The following ATP8A2 variants were observed in gnomAD, a reference collection of about 807,000 sequenced individuals.
The protein encoded by ATP8A2 is ATPase phospholipid transporting 8A2.
A neutral mutation model predicts 165.6 loss-of-function variants in ATP8A2; 100 were observed. The observed-to-expected ratio is 0.60, with a 90% CI of 0.51 to 0.71. The LOEUF is 0.71. Among genes scored for constraint, ATP8A2 ranks in the 30% least tolerant of loss-of-function variants. The probability of loss-of-function intolerance (pLI) is 0.00; values close to 1 mark genes in which losing one functional copy is unlikely to be tolerated. For synonymous variants in ATP8A2, 543 were observed against 548.8 expected, an observed-to-expected ratio of 0.99 and a Z score of 0.15; for missense variants, 1,227 against 1,479.5, an observed-to-expected ratio of 0.83 and a Z score of 2.80.
chr13:25,709,520 AG>A (rs2043118164), intron 25 of ATP8A2, among the ~76,000 whole-genome samples: 1 of 149,802 alleles, frequency 6.7e-6, no homozygotes, highest in African/African-American at 2.6e-5. Flanking sequence ...ATAGATACTG[AG>A]TTTTTTTTCT....
intron 24 of ATP8A2, among the ~76,000 whole-genome samples, chr13:25,691,220 G>A (rs896261330): frequency 8.5e-5 from 13 of 152,184 alleles, no homozygotes; most frequent in African/African-American, 3.1e-4. Flanking sequence ...AGCATGGAAG[G>A]AGGGAACTTT....
At chr13:26,008,986 C>T (rs535714307) in intron 35 of ATP8A2, among the ~76,000 whole-genome samples, 63 of 152,046 alleles carry the variant, frequency 4.1e-4, no homozygotes, top group African/African-American at 1.4e-3. Flanking sequence ...ACCATTTATG[C>T]GTATTTTTAA....
At chr13:25,664,620 G>T (rs2042113219) in intron 24 of ATP8A2, among the ~76,000 whole-genome samples, 1 of 152,212 alleles carries the variant, frequency 6.6e-6, no homozygotes, top group Non-Finnish European at 1.5e-5. Context: ...GATGAAGTCT[G>T]ATGGGTTTGG....
chr13:25,561,939 T>C (rs1040742420), intron 15 of ATP8A2, among the ~76,000 whole-genome samples: 2 of 152,236 alleles, frequency 1.3e-5, no homozygotes, highest in African/African-American at 4.8e-5. Flanking sequence ...TGTTGTAGAA[T>C]GTGCCAGAAT....
rs757104587 is a variant in ATP8A2 at position 25,705,276 on chromosome 13, AAG to A, written c.2384+5934_2384+5935del. 1.3e-3 allele frequency: 401 copies of A among 313,674 alleles called. 1 individual carries two copies. The highest frequency in any genetic ancestry group is 2.2e-3 in the Non-Finnish European group (354 of 161,494). 19.4% of individuals were successfully genotyped at this position (313,674 alleles called of 1,614,324 possible). On this transcript the variant is annotated intron_variant, in intron 25 of 36. Coordinates refer to ENST00000381655, the MANE Select transcript of ATP8A2 (RefSeq NM_016529.6). ...TTTAAAGTGACTGTCTCGTCAGGAAAAGAGTCATGAAAGAATCATCAGTGACC... is the reference window on the plus strand; with the variant it reads ...TTTAAAGTGACTGTCTCGTCAGGAAAAGTCATGAAAGAATCATCAGTGACC...
chr13:25,459,185 G>A (rs1432685013), intron 1 of ATP8A2, among the ~76,000 whole-genome samples: 3 of 152,188 alleles, frequency 2.0e-5, no homozygotes, highest in Non-Finnish European at 2.9e-5. Flanking sequence ...TGATTTGGGA[G>A]CTAAAGCATC....
intron 25 of ATP8A2, among the ~76,000 whole-genome samples, chr13:25,717,418 T>TAAAAAAAAAA (rs55732375): frequency 9.5e-5 from 9 of 95,006 alleles, no homozygotes; most frequent in East Asian, 3.0e-4. Context: ...CTGAAAAAAC[T>TAAAAAAAAAA]AAAAAAAAAA....
At chr13:25,444,684 C>T (rs1439440462) in intron 1 of ATP8A2, among the ~76,000 whole-genome samples, 2 of 150,364 alleles carry the variant, frequency 1.3e-5, no homozygotes, top group Admixed American at 6.6e-5. Context: ...CTCACTGTGT[C>T]GCCCAGGCTG....
intron 33 of ATP8A2, among the ~76,000 whole-genome samples, chr13:25,882,228 A>T (rs1019772028): frequency 1.5e-4 from 23 of 152,200 alleles, no homozygotes; most frequent in African/African-American, 5.3e-4. Flanking sequence ...TCATTATCGT[A>T]TTAGGAAAGT....
At chr13:25,568,595 G>A (rs1436489957) in intron 16 of ATP8A2, among the ~76,000 whole-genome samples, 1 of 152,130 alleles carries the variant, frequency 6.6e-6, no homozygotes, top group Non-Finnish European at 1.5e-5. Flanking sequence ...AGAGGTTACT[G>A]GGGGATAGAG....
At chr13:25,394,497 C>T (rs1441672286) in intron 1 of ATP8A2, among the ~76,000 whole-genome samples, 1 of 152,150 alleles carries the variant, frequency 6.6e-6, no homozygotes, top group Non-Finnish European at 1.5e-5. Flanking sequence ...CCAGGCTGTG[C>T]CCCCGAGCCT....
intron 33 of ATP8A2, among the ~76,000 whole-genome samples, chr13:25,868,535 T>A (rs1952583338): frequency 6.7e-6 from 1 of 149,590 alleles, no homozygotes; most frequent in African/African-American, 2.4e-5. Flanking sequence ...TGAAGTCCAA[T>A]TCACATTCTG....
Position 25,574,499 on chromosome 13 carries a change from A to G in ATP8A2, c.1663-309A>G, listed in dbSNP as rs148162137. Among the ~76,000 whole-genome samples the G allele has an allele frequency of 2.7e-3, 408 of 152,302 alleles. 1 individual carries two copies. Among genetic ancestry groups the G allele is most frequent in the African/African-American group, 9.3e-3 (387 of 41,564 alleles). On this transcript the variant is annotated intron_variant, in intron 18 of 36. Coordinates refer to ENST00000381655, the MANE Select transcript of ATP8A2 (RefSeq NM_016529.6). ...AGAATATGTCTATATAATTTGTAAA[A>G]TCCTGAATTCAGAAGCATAACTGGG...
intron 2 of ATP8A2, among the ~76,000 whole-genome samples, chr13:25,510,759 CTGA>C (rs1299211817): frequency 3.9e-5 from 6 of 152,068 alleles, no homozygotes; most frequent in Non-Finnish European, 8.8e-5. Flanking sequence ...GGTCTTTAGT[CTGA>C]TTTCATGTTC....
chr13:25,977,858 G>A (rs1956091742), intron 35 of ATP8A2, among the ~76,000 whole-genome samples: 1 of 152,186 alleles, frequency 6.6e-6, no homozygotes, highest in African/African-American at 2.4e-5. Context: ...GGGAAGAAGT[G>A]TCCTCTTGAT....
chr13:25,486,784 G>A (rs896004602), intron 2 of ATP8A2, among the ~76,000 whole-genome samples: 3 of 152,090 alleles, frequency 2.0e-5, no homozygotes, highest in African/African-American at 7.2e-5. Flanking sequence ...GGGGCAACAT[G>A]GTGAAACCCC....
chr13:25,839,487 T>A, intron 29 of ATP8A2, 59 bp from the exon 30 acceptor site: 1 of 1,238,322 alleles, frequency 8.1e-7, no homozygotes, highest in Non-Finnish European at 1.2e-6. Context: ...TTGTTGAGAG[T>A]TTCACAGAGG....
rs145210293 is a variant in ATP8A2 at position 25,825,193 on chromosome 13, A to G, written c.2680-2925A>G. Among the ~76,000 whole-genome samples, 299 of 113,836 alleles carry G rather than the reference A, an allele frequency of 2.6e-3. 1 individual carries two copies. The highest frequency in any genetic ancestry group is 0.012 in the Middle Eastern group (1 of 84). 74.7% of individuals were successfully genotyped at this position (113,836 alleles called of 152,430 possible). ...TTTTTTTGAGACAGGGTCTCACTCCATAGCCCAGGTTGGAGTGCAATGGCA... is the reference window on the plus strand; with the variant it reads ...TTTTTTTGAGACAGGGTCTCACTCCGTAGCCCAGGTTGGAGTGCAATGGCA... On this transcript the variant is annotated intron_variant, in intron 27 of 36. Transcript: ENST00000381655.
At chr13:25,815,646 A>C (rs1476378532) in intron 27 of ATP8A2, among the ~76,000 whole-genome samples, 2 of 152,198 alleles carry the variant, frequency 1.3e-5, no homozygotes, top group Admixed American at 1.3e-4. Context: ...ACGATATTAA[A>C]CATAGAATTA....
Sources: gnomAD v4.1 joint callset for allele counts (sites outside exome capture counted in the v4.1 genomes callset) on GRCh38, gnomAD v4.1.1 for gene constraint, MANE v1.5 for transcripts, NCBI Gene and HGNC (gene_info 2026-07-23, HGNC 2026-07-21) for gene names.